Variants in TRPA1 observed in about 807,000 individuals in gnomAD.
TRPA1 encodes transient receptor potential cation channel subfamily A member 1, also known as ankyrin-like with transmembrane domains 1.
In TRPA1, 129 loss-of-function variants were observed where a neutral mutation model predicts 131.3. That is an observed-to-expected ratio of 0.98 (90% CI 0.85 to 1.14). The LOEUF is 1.14. TRPA1 is among the 50% of genes most tolerant of loss of function. The probability of loss-of-function intolerance (pLI) is 0.00; values close to 1 mark genes in which losing one functional copy is unlikely to be tolerated. For missense variants in TRPA1, 1,304 were observed against 1,354.2 expected, an observed-to-expected ratio of 0.96 and a Z score of 0.58; for synonymous variants, 441 against 451.7, an observed-to-expected ratio of 0.98 and a Z score of 0.30.
At chr8:72,067,392 G>A (rs1805957474) in intron 3 of TRPA1, among the ~76,000 whole-genome samples, 1 of 152,120 alleles carries the variant, frequency 6.6e-6, no homozygotes, top group Non-Finnish European at 1.5e-5. Context: ...ATAAAGGAGA[G>A]TCAATTTTAC....
chr8:72,079,755 G>C (rs1406210529), upstream of TRPA1, among the ~76,000 whole-genome samples: 2 of 151,766 alleles, frequency 1.3e-5, no homozygotes, highest in African/African-American at 4.8e-5. Context: ...TTGGTGGGAA[G>C]GGCCATGTTT....
At chr8:72,029,620 C>T (rs1351781898) in intron 24 of TRPA1, 12 of 528,868 alleles carry the variant, frequency 2.3e-5, no homozygotes, top group Non-Finnish European at 3.4e-5. Flanking sequence ...GAAAGTGATG[C>T]ATATTCAGTA....
chr8:72,063,258 A>C (rs1389476526), intron 5 of TRPA1, among the ~76,000 whole-genome samples: 4 of 152,000 alleles, frequency 2.6e-5, no homozygotes, highest in Non-Finnish European at 5.9e-5. Context: ...GCATGCACCT[A>C]TAGTCCTGTT....
intron 13 of TRPA1, 147 bp from the exon 14 acceptor site, chr8:72,052,912 A>AATAATGAGTTT (rs1805549099): frequency 1.2e-6 from 1 of 835,052 alleles, no homozygotes; most frequent in Admixed American, 2.1e-5. Context: ...CAAGCTTCAA[A>AATAATGAGTTT]ATAATGAGTT....
At chr8:72,052,812 C>T (rs926385509) in intron 13 of TRPA1, 47 bp from the exon 14 acceptor site, 2 of 1,605,838 alleles carry the variant, frequency 1.2e-6, no homozygotes, top group Non-Finnish European at 1.7e-6. Flanking sequence ...AGTGTCTAAT[C>T]TGTCTTATTT....
At chr8:72,078,320 A>G (rs1295592798), upstream of TRPA1, among the ~76,000 whole-genome samples, 1 of 152,200 alleles carries the variant, frequency 6.6e-6, no homozygotes, top group East Asian at 1.9e-4. Context: ...TTATACAAGT[A>G]TACAACTATC....
chr8:72,029,333 A>G (rs183617334), intron 24 of TRPA1, among the ~76,000 whole-genome samples: 2 of 152,318 alleles, frequency 1.3e-5, no homozygotes, highest in Admixed American at 1.3e-4. Context: ...ACATTTTAAC[A>G]TAACAAAAGA....
In TRPA1 at chr8:72,071,560, T is replaced by C; in HGVS notation, c.268+151A>G. On this transcript the variant is annotated intron_variant, in intron 2 of 26. Transcript: ENST00000262209. ...TTCAGTAGAAGAAGTTGAGGAGTGC[T>C]GGTGTGTAGGAAAACCCACAATTCT... 3.8e-6 allele frequency: 3 copies of C among 790,550 alleles called. No individual in the cohort carries two copies. In the South Asian group the frequency reaches 5.2e-5, roughly 14 times the overall value. The allele number at this position is 790,550 out of a possible 1,614,324, so 49.0% of individuals were successfully genotyped here. A position where few individuals can be genotyped will look rare whatever the true frequency, so the allele number is the denominator to read the frequency against.
intron 18 of TRPA1, among the ~76,000 whole-genome samples, 185 bp downstream of exon 18, chr8:72,039,542 A>G (rs1188669618): frequency 2.0e-5 from 3 of 151,926 alleles, no homozygotes; most frequent in African/African-American, 7.2e-5. Context: ...GGTCTTTTTC[A>G]CTTTATTTTA....
chr8:72,036,609 T>C, intron 20 of TRPA1, 152 bp from the exon 21 acceptor site: 2 of 703,278 alleles, frequency 2.8e-6, no homozygotes, highest in Non-Finnish European at 4.8e-6. Flanking sequence ...CATCCTGGAT[T>C]GACTTCAGAG....
chr8:72,075,857 T>TGA (rs1317268411), upstream of TRPA1, among the ~76,000 whole-genome samples: 3 of 105,918 alleles, frequency 2.8e-5, no homozygotes, highest in African/African-American at 1.1e-4. Context: ...ACCTTGCATG[T>TGA]GAGTGTGTGT....
In TRPA1 at chr8:72,021,692, TG is replaced by T. The variant is rs1407630559; in HGVS notation, c.*1213del. On this transcript the variant is annotated 3_prime_UTR_variant, in exon 27 of 27. Coordinates refer to ENST00000262209, the MANE Select transcript of TRPA1 (RefSeq NM_007332.3). The stretch of plus-strand genomic sequence containing the variant: ...TGTCCATCTCTAGAAAAGTCCAGTG[TG>T]GTGGGTGGGTGGGTGCACACAATGA... 2 of 126,566 alleles carry T rather than the reference TG, an allele frequency of 1.6e-5. No homozygotes were observed. The highest frequency in any genetic ancestry group is 3.3e-5 in the Non-Finnish European group (2 of 61,020). The allele number at this position is 126,566 out of a possible 1,614,324, so 7.8% of individuals were successfully genotyped here.
intron 17 of TRPA1, among the ~76,000 whole-genome samples, chr8:72,040,146 T>C (rs1166447305): frequency 6.6e-6 from 1 of 152,174 alleles, no homozygotes; most frequent in Admixed American, 6.6e-5. Context: ...TTCAGGCTTA[T>C]CTTTCCAGAA....
At chr8:72,039,107 A>G in intron 18 of TRPA1, 80 bp from the exon 19 acceptor site, 2 of 1,412,702 alleles carry the variant, frequency 1.4e-6, no homozygotes, top group Non-Finnish European at 2.0e-6. Context: ...AAAAATGGTT[A>G]TAACCTCTTT....
upstream of TRPA1, among the ~76,000 whole-genome samples, chr8:72,078,412 G>T (rs1806229183): frequency 6.6e-6 from 1 of 151,920 alleles, no homozygotes; most frequent in Non-Finnish European, 1.5e-5. Context: ...CCCCAACCCA[G>T]ACCCCTAAGC....
intron 13 of TRPA1, chr8:72,052,994 T>TGTGTGTGTGTGTGTGAGA (rs1491537785): frequency 9.1e-6 from 3 of 330,370 alleles, no homozygotes; most frequent in African/African-American, 8.2e-5. Flanking sequence ...TGTGTGTGTG[T>TGTGTGTGTGTGTGTGAGA]GAGAGATAGA....
chr8:72,070,921 C>T (rs2129436709), intron 2 of TRPA1, among the ~76,000 whole-genome samples: 1 of 152,306 alleles, frequency 6.6e-6, no homozygotes, highest in African/African-American at 2.4e-5. Context: ...GCACTCACTT[C>T]CTTTCTGTTT....
At chr8:72,033,564 T>C in intron 23 of TRPA1, 80 bp downstream of exon 23, 1 of 1,331,514 alleles carries the variant, frequency 7.5e-7, no homozygotes, top group Admixed American at 1.9e-5. Context: ...TGGAGGAAGA[T>C]TAAAGAAGTT....
chr8:72,056,931 G>A lies in TRPA1; in HGVS notation c.1180C>T (p.Pro394Ser). 2 of 1,607,880 alleles carry A rather than the reference G, an allele frequency of 1.2e-6. No homozygotes were observed. Among genetic ancestry groups the A allele is most frequent in the Admixed American group, 3.3e-5 (2 of 59,834 alleles). Residue 394 changes from proline to serine, a missense_variant, in exon 10 of 27, where the codon CCT becomes TCT. Pro to Ser is a moderately conservative substitution (Grantham distance 74). Transcript: ENST00000262209. Reference sequence around the variant, plus strand: ...ATATACATTACCTGCATAAATTCAGGTCGCAGATTTTTTAATCCATAAGGT... The same window carrying A: ...ATATACATTACCTGCATAAATTCAGATCGCAGATTTTTTAATCCATAAGGT... ...QQPYGLKNLR[P>S]EFMQMQQIKE...
Sources: gnomAD v4.1 joint callset for allele counts (sites outside exome capture counted in the v4.1 genomes callset) on GRCh38, gnomAD v4.1.1 for gene constraint, MANE v1.5 for transcripts, NCBI Gene and HGNC (gene_info 2026-07-23, HGNC 2026-07-21) for gene names.